The following LOC128706665 variants were observed in gnomAD, a reference collection of about 807,000 sequenced individuals.
At chr20:10,424,243 A>T in the LOC128706665 span, among the ~76,000 whole-genome samples, 1 of 151,806 alleles carries the variant, frequency 6.6e-6, no homozygotes, top group Non-Finnish European at 1.5e-5. Flanking sequence ...TAAAAGAAAA[A>T]AATATATATT....
the LOC128706665 span, among the ~76,000 whole-genome samples, chr20:10,430,202 T>C: frequency 1.3e-5 from 2 of 152,218 alleles, no homozygotes; most frequent in African/African-American, 4.8e-5. Context: ...TCAAGCACTT[T>C]AAATCATTTT....
the LOC128706665 span, chr20:10,431,688 T>C: frequency 2.0e-5 from 3 of 152,192 alleles, no homozygotes; most frequent in African/African-American, 7.2e-5. Context: ...ACTTACTCCA[T>C]CTTTAGTTAC....
At chr20:10,418,819 G>C in the LOC128706665 span, among the ~76,000 whole-genome samples, 2 of 151,722 alleles carry the variant, frequency 1.3e-5, no homozygotes, top group Non-Finnish European at 2.9e-5. Context: ...TAATATAATG[G>C]TCTTACTAGT....
chr20:10,429,957 A>G, the LOC128706665 span, among the ~76,000 whole-genome samples: 1 of 152,188 alleles, frequency 6.6e-6, no homozygotes. Context: ...CTGAAGCTAA[A>G]GTTTGAGACC....
At chr20:10,423,988 T>TG in the LOC128706665 span, among the ~76,000 whole-genome samples, 20,481 of 152,194 alleles carry the variant, frequency 0.13, 1,500 homozygotes, top group East Asian at 0.24. Flanking sequence ...ATTTGGCTAA[T>TG]GGGGGTGAGA....
chr20:10,423,003 G>A, the LOC128706665 span, among the ~76,000 whole-genome samples: 2 of 151,954 alleles, frequency 1.3e-5, no homozygotes, highest in Non-Finnish European at 2.9e-5. Flanking sequence ...GAGCCACTGC[G>A]CCCGGCCCTT....
chr20:10,415,321 G>A, the LOC128706665 span, among the ~76,000 whole-genome samples: 1 of 152,144 alleles, frequency 6.6e-6, no homozygotes, highest in African/African-American at 2.4e-5. Context: ...CCTAAAAGTA[G>A]GCTACAGCAT....
the LOC128706665 span, among the ~76,000 whole-genome samples, chr20:10,426,752 T>C: frequency 1.3e-5 from 2 of 152,304 alleles, no homozygotes; most frequent in South Asian, 4.1e-4. Context: ...ACAGCTGTCA[T>C]TTCACTTGTC....
At chr20:10,423,819 A>T in the LOC128706665 span, among the ~76,000 whole-genome samples, 2 of 152,232 alleles carry the variant, frequency 1.3e-5, no homozygotes, top group Non-Finnish European at 2.9e-5. Flanking sequence ...ATCAGTATCT[A>T]TTTTAACTGA....
chr20:10,417,671 TAA>T, the LOC128706665 span, among the ~76,000 whole-genome samples: 26 of 150,448 alleles, frequency 1.7e-4, no homozygotes, highest in Non-Finnish European at 2.5e-4. Context: ...GCCTTCTCTG[TAA>T]AAAAAAAAAA....
the LOC128706665 span, among the ~76,000 whole-genome samples, chr20:10,422,179 C>A: frequency 6.6e-6 from 1 of 152,036 alleles, no homozygotes; most frequent in Non-Finnish European, 1.5e-5. Flanking sequence ...CATTATAAAT[C>A]ATTTCTCCCA....
At chr20:10,423,317 G>T in the LOC128706665 span, among the ~76,000 whole-genome samples, 2 of 152,126 alleles carry the variant, frequency 1.3e-5, no homozygotes, top group Non-Finnish European at 2.9e-5. Flanking sequence ...TGCGTGGGGG[G>T]TGCTGAGGTA....
At chr20:10,413,843 A>G in the LOC128706665 span, 4 of 451,358 alleles carry the variant, frequency 8.9e-6, no homozygotes, top group African/African-American at 2.0e-5. Flanking sequence ...AAGATATCCC[A>G]GCTACAAGAA....
the LOC128706665 span, among the ~76,000 whole-genome samples, chr20:10,421,165 C>T: frequency 2.6e-5 from 4 of 152,070 alleles, no homozygotes; most frequent in Non-Finnish European, 4.4e-5. Context: ...GGTGGTGGCT[C>T]ACGCCTGTAT....
chr20:10,425,967 A>T, the LOC128706665 span, among the ~76,000 whole-genome samples: 2 of 152,234 alleles, frequency 1.3e-5, no homozygotes, highest in African/African-American at 2.4e-5. Context: ...TAGAGTTGAT[A>T]TTTATAGTTT....
At chr20:10,422,427 G>C in the LOC128706665 span, among the ~76,000 whole-genome samples, 10 of 152,090 alleles carry the variant, frequency 6.6e-5, no homozygotes, top group African/African-American at 2.4e-4. Flanking sequence ...ATTTCATTGT[G>C]AAGTCCAAAG....
chr20:10,418,127 G>A, the LOC128706665 span, among the ~76,000 whole-genome samples: 21,942 of 152,168 alleles, frequency 0.14, 1,781 homozygotes, highest in East Asian at 0.24. Context: ...ATGTGTTTGT[G>A]TATGTGTGTT....
At chr20:10,416,531 C>T in the LOC128706665 span, among the ~76,000 whole-genome samples, 3 of 151,450 alleles carry the variant, frequency 2.0e-5, no homozygotes, top group Non-Finnish European at 2.9e-5. Flanking sequence ...TAAATGCAAA[C>T]CCACAGGTTC....
the LOC128706665 span, among the ~76,000 whole-genome samples, chr20:10,415,930 T>C: frequency 3.3e-5 from 5 of 152,034 alleles, no homozygotes; most frequent in African/African-American, 4.8e-5. Flanking sequence ...CAAAACTTGT[T>C]GACCTGTGGT....
Sources: gnomAD v4.1 joint callset for allele counts (sites outside exome capture counted in the v4.1 genomes callset) on GRCh38, gnomAD v4.1.1 for gene constraint, MANE v1.5 for transcripts.